The following ARHGEF28 variants were observed in gnomAD, a reference collection of about 807,000 sequenced individuals.
ARHGEF28 encodes the protein Rho guanine nucleotide exchange factor 28.
Under a neutral mutation model 206.6 loss-of-function variants are expected in ARHGEF28, and 152 were observed. The observed-to-expected ratio is 0.74, with a 90% CI of 0.64 to 0.84. The LOEUF is 0.84. ARHGEF28 is among the 40% of genes least tolerant of loss of function. The pLI is 0.00. For synonymous variants in ARHGEF28, 763 were observed against 776.4 expected (o/e 0.98, Z 0.29); for missense variants, 2,028 against 2,073.2 (o/e 0.98, Z 0.42).
chr5:73,727,734 C>A (rs1750367642), intron 2 of ARHGEF28, among the ~76,000 whole-genome samples: 1 of 152,142 alleles, frequency 6.6e-6, no homozygotes, highest in Non-Finnish European at 1.5e-5. Flanking sequence ...CAGAATAAAT[C>A]CCTGATTTCA....
At chr5:73,825,089 G>A (rs185367811) in intron 9 of ARHGEF28, among the ~76,000 whole-genome samples, 31 of 152,312 alleles carry the variant, frequency 2.0e-4, no homozygotes, top group Admixed American at 1.9e-3. Context: ...AGGTACTGGG[G>A]AGATGGTGAA....
intron 10 of ARHGEF28, among the ~76,000 whole-genome samples, chr5:73,834,070 GAACA>G (rs569429527): frequency 2.0e-4 from 30 of 152,046 alleles, no homozygotes; most frequent in Non-Finnish European, 4.1e-4. Flanking sequence ...AAGGTATAAT[GAACA>G]AATAGAAATT....
intron 9 of ARHGEF28, among the ~76,000 whole-genome samples, chr5:73,828,706 GTCTCTT>G (rs531084987): frequency 7.9e-6 from 1 of 126,182 alleles, no homozygotes; most frequent in East Asian, 2.2e-4. Context: ...CTTTCTCTCT[GTCTCTT>G]TCTCTTTCTT....
chr5:73,626,785 A>G (rs556557496), intron 1 of ARHGEF28, among the ~76,000 whole-genome samples: 2 of 152,360 alleles, frequency 1.3e-5, no homozygotes, highest in South Asian at 4.1e-4. Flanking sequence ...ACGCAAGCTC[A>G]GGACACACGC....
At chr5:73,733,769 A>G (rs909441422) in intron 2 of ARHGEF28, among the ~76,000 whole-genome samples, 4 of 152,282 alleles carry the variant, frequency 2.6e-5, no homozygotes, top group Middle Eastern at 3.4e-3. Context: ...GGCGTGAAAA[A>G]GAAGAAATAT....
At chr5:73,796,545 C>G (rs930677155) in intron 9 of ARHGEF28, among the ~76,000 whole-genome samples, 6 of 152,172 alleles carry the variant, frequency 3.9e-5, no homozygotes, top group African/African-American at 1.4e-4. Context: ...GCAGTTACAA[C>G]CATTCGGAAA....
chr5:73,699,183 A>ATGTGTGTT (rs1301784609), intron 2 of ARHGEF28, among the ~76,000 whole-genome samples: 1 of 149,916 alleles, frequency 6.7e-6, no homozygotes, highest in Non-Finnish European at 1.5e-5. Flanking sequence ...GTGTGTGTGT[A>ATGTGTGTT]TGTGTGTTTG....
chr5:73,866,106 T>G, intron 18 of ARHGEF28, 93 bp downstream of exon 18: 1 of 1,084,882 alleles, frequency 9.2e-7, no homozygotes, highest in Non-Finnish European at 1.3e-6. Flanking sequence ...GTTTTCTCAT[T>G]TATCCAGTTA....
At chr5:73,856,700 A>G (rs1178952409) in intron 14 of ARHGEF28, among the ~76,000 whole-genome samples, 1 of 152,110 alleles carries the variant, frequency 6.6e-6, no homozygotes, top group Non-Finnish European at 1.5e-5. Context: ...TTTGGTGTAA[A>G]TCAGTGATTT....
At chr5:73,899,005 GATTA>G (rs1762115006) in intron 30 of ARHGEF28, 1 of 151,728 alleles carries the variant, frequency 6.6e-6, no homozygotes, top group African/African-American at 2.4e-5. Context: ...AACATCCCTT[GATTA>G]ATTAAGATAT....
intron 4 of ARHGEF28, among the ~76,000 whole-genome samples, chr5:73,771,164 A>AT (rs796645250): frequency 2.0e-5 from 3 of 152,270 alleles, no homozygotes; most frequent in Admixed American, 6.5e-5. Flanking sequence ...CCTTTTGATC[A>AT]TTTTTTTGGG....
chr5:73,703,933 A>C (rs940989965), intron 2 of ARHGEF28, among the ~76,000 whole-genome samples: 1 of 151,880 alleles, frequency 6.6e-6, no homozygotes, highest in Admixed American at 6.6e-5. Context: ...ATGAGGCAGG[A>C]GAATCGCTTG....
intron 31 of ARHGEF28, 157 bp from the exon 32 acceptor site, chr5:73,904,065 C>T (rs529427289): frequency 1.5e-6 from 1 of 686,838 alleles, no homozygotes; most frequent in African/African-American, 1.8e-5. Flanking sequence ...ATTCTATAGG[C>T]TTTTATTTCT....
intron 14 of ARHGEF28, among the ~76,000 whole-genome samples, chr5:73,855,835 T>A (rs746839698): frequency 1.4e-4 from 21 of 152,326 alleles, no homozygotes; most frequent in Non-Finnish European, 2.8e-4. Flanking sequence ...TGTCGTTTTT[T>A]ATATAGTCTT....
At chr5:73,916,510 C>T (rs1763220712) in intron 35 of ARHGEF28, among the ~76,000 whole-genome samples, 2 of 152,208 alleles carry the variant, frequency 1.3e-5, no homozygotes, top group Non-Finnish European at 2.9e-5. Context: ...CTCTCCTTGA[C>T]TTGCGGATGA....
At chr5:73,914,057 T>A (rs1763067701) in intron 35 of ARHGEF28, among the ~76,000 whole-genome samples, 1 of 152,146 alleles carries the variant, frequency 6.6e-6, no homozygotes, top group Non-Finnish European at 1.5e-5. Context: ...TAGATAGGAA[T>A]TTCTGTTGGT....
At chr5:73,742,953 G>A (rs919704743) in intron 2 of ARHGEF28, among the ~76,000 whole-genome samples, 5 of 151,232 alleles carry the variant, frequency 3.3e-5, no homozygotes, top group Non-Finnish European at 5.9e-5. Flanking sequence ...TTTAAACTCC[G>A]TGACATTATA....
At chr5:73,837,540 A>G (rs937266296) in intron 10 of ARHGEF28, among the ~76,000 whole-genome samples, 2 of 151,852 alleles carry the variant, frequency 1.3e-5, no homozygotes, top group Non-Finnish European at 2.9e-5. Context: ...TAGTATTTCC[A>G]TTTACCTCAA....
intron 1 of ARHGEF28, among the ~76,000 whole-genome samples, chr5:73,647,335 C>T (rs1744495709): frequency 6.6e-6 from 1 of 152,218 alleles, no homozygotes; most frequent in African/African-American, 2.4e-5. Flanking sequence ...TGAAAATATT[C>T]CAAAAATCTG....
Sources: gnomAD v4.1 joint callset for allele counts (sites outside exome capture counted in the v4.1 genomes callset) on GRCh38, gnomAD v4.1.1 for gene constraint, MANE v1.5 for transcripts, NCBI Gene and HGNC (gene_info 2026-07-23, HGNC 2026-07-21) for gene names.